Variants in ASH1L observed in about 807,000 individuals in gnomAD.
ASH1L encodes the protein ASH1 like histone lysine methyltransferase.
ASH1L carries 23 observed loss-of-function variants against 269.0 expected under a neutral mutation model. The ratio of observed to expected loss-of-function variants is 0.09; its 90% CI spans 0.06 to 0.12. The LOEUF is 0.12. ASH1L is among the 10% of genes least tolerant of loss of function. The pLI, the probability that ASH1L is intolerant of heterozygous loss-of-function variation, is 1.00. For synonymous variants in ASH1L, 1,187 were observed against 1,253.5 expected, an observed-to-expected ratio of 0.95 and a Z score of 1.12; for missense variants, 2,912 against 3,567.8, an observed-to-expected ratio of 0.82 and a Z score of 4.68.
At chr1:155,448,832 CT>C (rs954061643) in intron 4 of ASH1L, among the ~76,000 whole-genome samples, 1 of 151,814 alleles carries the variant, frequency 6.6e-6, no homozygotes, top group African/African-American at 2.4e-5. Context: ...ACTTGCTCTT[CT>C]TTTTTCAGCT....
chr1:155,516,101 A>G (rs1482045163), intron 2 of ASH1L, among the ~76,000 whole-genome samples: 3 of 152,040 alleles, frequency 2.0e-5, no homozygotes, highest in African/African-American at 4.8e-5. Context: ...CTTTCAGTAT[A>G]CTAGTTGTTT....
At chr1:155,425,651 G>C (rs986618075) in intron 5 of ASH1L, among the ~76,000 whole-genome samples, 4 of 151,750 alleles carry the variant, frequency 2.6e-5, no homozygotes, top group African/African-American at 9.7e-5. Context: ...GGTCAGGCTG[G>C]TCTTGAACTC....
intron 6 of ASH1L, among the ~76,000 whole-genome samples, chr1:155,403,185 CA>C (rs796380821): frequency 1.7e-3 from 236 of 139,298 alleles, no homozygotes; most frequent in Non-Finnish European, 1.3e-3. Flanking sequence ...AACTCCATCT[CA>C]AAAAAAAAAA....
intron 1 of ASH1L, among the ~76,000 whole-genome samples, chr1:155,522,686 ATTTTTT>A (rs34562141): frequency 7.1e-6 from 1 of 141,230 alleles, no homozygotes; most frequent in African/African-American, 2.6e-5. Flanking sequence ...AGATTAGTGA[ATTTTTT>A]TTTTTTTTTT....
intron 25 of ASH1L, among the ~76,000 whole-genome samples, chr1:155,341,403 C>G (rs1441344216): frequency 2.0e-5 from 3 of 152,154 alleles, no homozygotes; most frequent in Non-Finnish European, 4.4e-5. Flanking sequence ...GTCTTGATCT[C>G]CTGACCTCAT....
intron 1 of ASH1L, among the ~76,000 whole-genome samples, chr1:155,538,116 C>G (rs1049730952): frequency 6.6e-6 from 1 of 151,378 alleles, no homozygotes; most frequent in Non-Finnish European, 1.5e-5. Flanking sequence ...CCTCTGCATC[C>G]TGGGTTCAAG....
At chr1:155,515,832 T>TA (rs755945664) in intron 2 of ASH1L, among the ~76,000 whole-genome samples, 9,552 of 106,650 alleles carry the variant, frequency 0.09, 459 homozygotes, top group Middle Eastern at 0.12. Flanking sequence ...GACTCTGCCT[T>TA]AAAAAAAAAA....
intron 1 of ASH1L, among the ~76,000 whole-genome samples, chr1:155,556,631 C>T (rs1462623612): frequency 6.6e-6 from 1 of 151,868 alleles, no homozygotes; most frequent in African/African-American, 2.4e-5. Context: ...TTAGTAGAGA[C>T]GGGGTTTCAC....
chr1:155,358,395 A>T (rs1158300194), intron 13 of ASH1L, among the ~76,000 whole-genome samples: 4 of 152,080 alleles, frequency 2.6e-5, no homozygotes, highest in Admixed American at 6.6e-5. Flanking sequence ...TTAAAAAAAA[A>T]TTTTAAAAAG....
At chr1:155,462,466 G>C (rs553073762) in intron 3 of ASH1L, among the ~76,000 whole-genome samples, 2 of 152,320 alleles carry the variant, frequency 1.3e-5, no homozygotes, top group Admixed American at 1.3e-4. Context: ...AGGGTAAAAA[G>C]AGGGTACAGG....
At chr1:155,423,811 C>T (rs759196913) in intron 5 of ASH1L, among the ~76,000 whole-genome samples, 19 of 152,148 alleles carry the variant, frequency 1.2e-4, no homozygotes, top group Non-Finnish European at 2.6e-4. Flanking sequence ...CGCACTGCAA[C>T]CTCCACCTCC....
At position 155,481,040 on chromosome 1, in the gene ASH1L, G is replaced by C; in HGVS notation, c.1830C>G (p.His610Gln). ...CAACTGACCTATGACCAACGTTCAA[G>C]TGGGTACTTTCAGAAGTAAACTGGT... ...GKNQFTSEST[H>Q]LNVGHRSVGH... The change falls in exon 3 of 28, where the codon CAC (histidine) becomes CAG (glutamine). Residue 610 changes from histidine (H) to glutamine (Q), a missense_variant. Physicochemically the swap from His to Gln is conservative, Grantham distance 24. Around this residue, in one of 13 missense-constraint regions of ASH1L, gnomAD observed 715 missense variants for 721.0 expected, o/e 0.99. Coordinates refer to ENST00000392403, the MANE Select transcript of ASH1L (RefSeq NM_018489.3). 1.9e-6 allele frequency: 3 copies of C among 1,614,026 alleles called. No homozygotes were observed. Among genetic ancestry groups the C allele is most frequent in the Non-Finnish European group, 2.5e-6 (3 of 1,179,970 alleles).
intron 3 of ASH1L, among the ~76,000 whole-genome samples, chr1:155,468,762 T>C (rs1261936398): frequency 1.3e-5 from 2 of 152,124 alleles, no homozygotes; most frequent in East Asian, 3.8e-4. Context: ...CTACCTTAAA[T>C]TTATATATGG....
At chr1:155,517,861 C>A (rs1372866836) in intron 2 of ASH1L, among the ~76,000 whole-genome samples, 1 of 114,924 alleles carries the variant, frequency 8.7e-6, no homozygotes, top group Non-Finnish European at 1.6e-5. Flanking sequence ...AGTGCAGTGG[C>A]GGGATCTCGG....
intron 1 of ASH1L, among the ~76,000 whole-genome samples, chr1:155,546,119 C>T (rs1414409895): frequency 6.9e-6 from 1 of 144,924 alleles, no homozygotes; most frequent in Non-Finnish European, 1.5e-5. Flanking sequence ...GATGGTGCCA[C>T]TGCACGCCAG....
At chr1:155,411,334 G>C (rs1467432859) in intron 6 of ASH1L, among the ~76,000 whole-genome samples, 1 of 151,492 alleles carries the variant, frequency 6.6e-6, no homozygotes, top group Non-Finnish European at 1.5e-5. Flanking sequence ...ACTTATTTTT[G>C]GGAGAGGAAG....
At chr1:155,384,311 C>T (rs1657227753) in intron 7 of ASH1L, among the ~76,000 whole-genome samples, 1 of 152,072 alleles carries the variant, frequency 6.6e-6, no homozygotes, top group Non-Finnish European at 1.5e-5. Context: ...CAGATATTTT[C>T]ATTGGTTAGA....
intron 5 of ASH1L, among the ~76,000 whole-genome samples, chr1:155,423,461 C>T (rs755912453): frequency 7.9e-5 from 12 of 151,812 alleles, no homozygotes; most frequent in Non-Finnish European, 1.5e-4. Context: ...CCCAGCTACT[C>T]GGGAGGCTGA....
chr1:155,401,415 T>C (rs1028876342), intron 6 of ASH1L, among the ~76,000 whole-genome samples: 24 of 149,840 alleles, frequency 1.6e-4, no homozygotes, highest in African/African-American at 5.4e-4. Context: ...GAGGCGGAGA[T>C]TGCAGCGAGC....
Sources: gnomAD v4.1 joint callset for allele counts (sites outside exome capture counted in the v4.1 genomes callset) on GRCh38, gnomAD v4.1.1 for gene constraint, gnomAD v4.1.1 regional missense constraint, MANE v1.5 for transcripts, NCBI Gene and HGNC (gene_info 2026-07-23, HGNC 2026-07-21) for gene names.